EEF2: variants seen among roughly 807,000 people sequenced by gnomAD.
EEF2 encodes the protein eukaryotic translation elongation factor 2, also known as elongation factor 2.
A neutral mutation model predicts 85.3 loss-of-function variants in EEF2; 21 were observed. The ratio of observed to expected loss-of-function variants is 0.25; its 90% CI spans 0.17 to 0.35. EEF2 has a LOEUF of 0.35. Among genes scored for constraint, EEF2 ranks in the 10% least tolerant of loss-of-function variants. The pLI, the probability that EEF2 is intolerant of heterozygous loss-of-function variation, is 1.00. For synonymous variants in EEF2, 723 were observed against 508.8 expected, an observed-to-expected ratio of 1.42 and a Z score of -5.67; for missense variants, 825 against 1,225.3, an observed-to-expected ratio of 0.67 and a Z score of 4.88.
chr19:3,976,327 G>A lies in EEF2; in HGVS notation c.*227C>T. ...TCCCCCTCCCCGACCGGCCCATTAA[G>A]TCCCTACTAAGAGGGCGTGTCTGCT... On this transcript the variant is annotated 3_prime_UTR_variant, in exon 15 of 15. Coordinates refer to ENST00000309311, the MANE Select transcript of EEF2 (RefSeq NM_001961.4). 4.0e-5 allele frequency: 11 copies of A among 274,786 alleles called. No homozygotes were observed. The highest frequency in any genetic ancestry group is 6.4e-5 in the Non-Finnish European group (9 of 141,016). 17.0% of individuals were successfully genotyped at this position (274,786 alleles called of 1,614,324 possible).
chr19:3,980,155 C>G, intron 9 of EEF2, 89 bp from the exon 10 acceptor site: 1 of 1,521,834 alleles, frequency 6.6e-7, no homozygotes, highest in South Asian at 1.3e-5. Context: ...GAGTTGGTGG[C>G]CCTCCTGCCA....
At chr19:3,979,183 A>C (rs978277800) in intron 11 of EEF2, 146 bp downstream of exon 11, 2 of 626,758 alleles carry the variant, frequency 3.2e-6, no homozygotes, top group Non-Finnish European at 5.6e-6. Context: ...GGAAGACTGC[A>C]AAGAAGAAAC....
chr19:3,982,559 C>T (rs758276492), intron 4 of EEF2, 135 bp from the exon 5 acceptor site: 1 of 1,265,012 alleles, frequency 7.9e-7, no homozygotes, highest in Admixed American at 1.7e-5. Context: ...AAGAAATGAT[C>T]AGTCATCACG....
Position 3,976,366 on chromosome 19 carries a change from G to A in EEF2, c.*188C>T, listed in dbSNP as rs955810361. On this transcript the variant is annotated 3_prime_UTR_variant, in exon 15 of 15. Transcript: ENST00000309311. ...GGCGTGTCTGCTGCCTCCGGACTCTGGAAATAAATATTGAAAGAAACGGCA... is the reference window on the plus strand; with the variant it reads ...GGCGTGTCTGCTGCCTCCGGACTCTAGAAATAAATATTGAAAGAAACGGCA... 9.2e-6 allele frequency: 6 copies of A among 654,810 alleles called. No individual in the cohort carries two copies. The highest frequency in any genetic ancestry group is 6.2e-5 in the Admixed American group (2 of 32,234). The allele number at this position is 654,810 out of a possible 1,614,324, so 40.6% of individuals were successfully genotyped here.
chr19:3,979,860 G>A lies in EEF2; in HGVS notation c.1553C>T (p.Pro518Leu). The A allele has an allele frequency of 6.2e-7, 1 of 1,613,774 alleles. No homozygotes were observed. The highest frequency in any genetic ancestry group is 1.1e-5 in the South Asian group (1 of 91,088). ...CCGCTTCAGCCCCTCCACCAGCTTG[G>A]GCAGGTCAGCCGGGTTCTTGGCCTC... ...AVEAKNPADL[P>L]KLVEGLKRLA... is the part of the protein sequence containing the mutation. Residue 518 changes from proline to leucine, a missense_variant, in exon 10 of 15, where the codon CCC becomes CTC. By Grantham distance (98) the Pro-to-Leu change is moderately conservative. Transcript: ENST00000309311.
At chr19:3,976,840 T>C (rs758456430) in intron 14 of EEF2, 93 bp from the exon 15 acceptor site, 7 of 1,346,016 alleles carry the variant, frequency 5.2e-6, no homozygotes, top group Non-Finnish European at 6.9e-6. Context: ...TTCCTCAGCC[T>C]GAGTCACCCT....
chr19:3,983,294 GA>G lies in EEF2; in HGVS notation c.219-4del. On this transcript the variant is annotated splice_region_variant and splice_polypyrimidine_tract_variant and intron_variant, in intron 2 of 14. Transcript: ENST00000309311. ...GCTCGTAGAAGAGGGAGATGGCACT[GA>G]TGGAGGGAGGGACTCGTCAGGGGGA... 1 of 1,612,414 alleles carries G rather than the reference GA, an allele frequency of 6.2e-7. No individual in the cohort carries two copies. The highest frequency in any genetic ancestry group is 8.5e-7 in the Non-Finnish European group (1 of 1,179,078).
rs867314347 is a variant in EEF2, at chr19:3,977,143, T to A, written c.2383+72A>T. The A allele has an allele frequency of 3.2e-6, 5 of 1,573,928 alleles. No individual in the cohort carries two copies. In the Middle Eastern group the frequency reaches 6.8e-4, roughly 214 times the overall value. ...CAGGACGCCTCCTTTAACACCTTGC[T>A]AAGCTTAACTGGGCTTCTGTCCCCC... On this transcript the variant is annotated intron_variant, in intron 14 of 14. Coordinates refer to ENST00000309311, the MANE Select transcript of EEF2 (RefSeq NM_001961.4). This position sits in a 1 kb window ranked among gnomAD's most constrained non-coding sequence, Gnocchi z 5.4.
chr19:3,979,749 A>G, intron 10 of EEF2, 59 bp downstream of exon 10: 1 of 1,576,060 alleles, frequency 6.3e-7, no homozygotes, highest in Admixed American at 1.7e-5. Flanking sequence ...GCCACAACTC[A>G]GGACACAAGC....
At position 3,982,295 on chromosome 19, in the gene EEF2, C is replaced by T. The variant is rs2039760497; in HGVS notation, c.742G>A (p.Glu248Lys). 1.2e-6 allele frequency: 2 copies of T among 1,614,072 alleles called. No homozygotes were observed. Among genetic ancestry groups the T allele is most frequent in the Non-Finnish European group, 8.5e-7 (1 of 1,180,044 alleles). ...AKGEGQLGPA[E>K]RAKKVEDMMK... ...ATGTCCTCTACTTTCTTGGCCCGCT[C>T]GGCAGGCCCCAACTGGCCCTCCCCC... Residue 248 changes from glutamate (E) to lysine (K), a missense_variant, in exon 5 of 15, where the codon GAG becomes AAG. Glu to Lys is a moderately conservative substitution (Grantham distance 56). Transcript: ENST00000309311.
chr19:3,981,299 C>T (rs757619655), intron 7 of EEF2, 40 bp downstream of exon 7: 4 of 1,586,032 alleles, frequency 2.5e-6, no homozygotes, highest in East Asian at 2.2e-5. Context: ...AAACAGCAGC[C>T]TGTGTTCCCT....
chr19:3,980,597 G>T lies in EEF2; in HGVS notation c.1263C>A (p.Val421=). 2 of 1,614,250 alleles carry T rather than the reference G, an allele frequency of 1.2e-6. No homozygotes were observed. The highest frequency in any genetic ancestry group is 2.7e-5 in the African/African-American group (2 of 75,072). Residue 421 remains valine (V), a synonymous_variant, in exon 9 of 15, where the codon GTC becomes GTA. Coordinates refer to ENST00000309311, the MANE Select transcript of EEF2 (RefSeq NM_001961.4). ...TGATCCTGACCTTCAGGCCAGTGGAGACCAGCCCCGAGAAGACTCGTCCAA... is the reference window on the plus strand; with the variant it reads ...TGATCCTGACCTTCAGGCCAGTGGATACCAGCCCCGAGAAGACTCGTCCAA... ...YAFGRVFSGL[V]STGLKVRIMG... is the part of the protein sequence containing the mutation.
At chr19:3,983,797 C>T (rs1282822708) in intron 2 of EEF2, 3 of 395,716 alleles carry the variant, frequency 7.6e-6, no homozygotes, top group East Asian at 1.1e-4. Flanking sequence ...CAGTGCAACA[C>T]AGGAGCTTCC....
chr19:3,976,820 C>T, intron 14 of EEF2, 73 bp from the exon 15 acceptor site: 1 of 1,431,136 alleles, frequency 7.0e-7, no homozygotes, highest in Non-Finnish European at 9.2e-7. Context: ...CTGTCAGGAG[C>T]TCAGGCTAGT....
In EEF2 at chr19:3,977,625, G is replaced by A. The variant is rs2039693888; in HGVS notation, c.2068-15C>T. ...CACAGTGCGCCCTGGGGGAGGGGGAGAGCCACCGTCAAGGGCCGGACACAC... is the reference window on the plus strand; with the variant it reads ...CACAGTGCGCCCTGGGGGAGGGGGAAAGCCACCGTCAAGGGCCGGACACAC... On this transcript the variant is annotated splice_polypyrimidine_tract_variant and intron_variant, in intron 12 of 14. Transcript: ENST00000309311. The surrounding 1 kb of genome is among the most constrained non-coding windows in gnomAD (Gnocchi z 5.4). The A allele has an allele frequency of 2.7e-6, 4 of 1,503,974 alleles. No homozygotes were observed. Among genetic ancestry groups the A allele is most frequent in the Admixed American group, 2.1e-5 (1 of 46,774 alleles). The allele number at this position is 1,503,974 out of a possible 1,614,324, so 93.2% of individuals were successfully genotyped here.
Position 3,976,635 on chromosome 19 carries a change from G to C in EEF2, c.2496C>G (p.Ser832Arg). The change falls in exon 15 of 15, where the codon AGC (serine) becomes AGG (arginine). Residue 832 changes from serine (S) to arginine (R), a missense_variant. Transcript: ENST00000309311. ...GCTTGCGGGTCTCCGCCACCACCTG[G>C]CTGGGGCGGCTGCTGTTGTCGAAGG... ...GDPFDNSSRP[S>R]QVVAETRKRK... 1 of 1,609,890 alleles carries C rather than the reference G, an allele frequency of 6.2e-7. No individual in the cohort carries two copies. The highest frequency in any genetic ancestry group is 2.2e-5 in the East Asian group (1 of 44,786).
At position 3,978,076 on chromosome 19, in the gene EEF2, T is replaced by C. The variant is rs768970441; in HGVS notation, c.1810A>G (p.Met604Val). 18 of 1,561,382 alleles carry C rather than the reference T, an allele frequency of 1.2e-5. No individual in the cohort carries two copies. In the Admixed American group the frequency reaches 1.5e-4, roughly 13 times the overall value. Residue 604 changes from methionine (M) to valine (V), a missense_variant, in exon 12 of 15, where the codon ATG becomes GTG. Coordinates refer to ENST00000309311, the MANE Select transcript of EEF2 (RefSeq NM_001961.4). ...CCGTCGGGGAAGGGCCGCGCCTTCA[T>C]GTACAGCCGGTTGTGCTTGTTGGGG... ...KSPNKHNRLY[M>V]KARPFPDGLA...
At position 3,978,054 on chromosome 19, in the gene EEF2, T is replaced by C; in HGVS notation, c.1832A>G (p.Asp611Gly). The change falls in exon 12 of 15, where the codon GAC (aspartate) becomes GGC (glycine). Residue 611 changes from aspartate to glycine, a missense_variant. Asp to Gly is a moderately conservative substitution (Grantham distance 94, BLOSUM62 -1). Coordinates refer to ENST00000309311, the MANE Select transcript of EEF2 (RefSeq NM_001961.4). ...RLYMKARPFP[D>G]GLAEDIDKGE... Reference sequence around the variant, plus strand: ...TTTATCGATGTCCTCGGCCAGGCCGTCGGGGAAGGGCCGCGCCTTCATGTA... The same window carrying C: ...TTTATCGATGTCCTCGGCCAGGCCGCCGGGGAAGGGCCGCGCCTTCATGTA... The C allele has an allele frequency of 6.3e-7, 1 of 1,591,580 alleles. No homozygotes were observed. The highest frequency in any genetic ancestry group is 8.6e-7 in the Non-Finnish European group (1 of 1,165,956).
chr19:3,979,660 T>A, intron 10 of EEF2, 148 bp downstream of exon 10: 2 of 1,270,652 alleles, frequency 1.6e-6, no homozygotes, highest in Non-Finnish European at 2.2e-6. Context: ...TGGGCAGGAG[T>A]CTCCATTTAC....
Sources: allele counts gnomAD v4.1 joint callset, GRCh38; gene constraint gnomAD v4.1.1; non-coding constraint Gnocchi (gnomAD v3.1); transcripts MANE v1.5; gene names NCBI Gene and HGNC (gene_info 2026-07-23, HGNC 2026-07-21).